Variants in SAV1 observed in about 807,000 individuals in gnomAD.
The protein encoded by SAV1 is salvador family WW domain containing protein 1.
In SAV1, 23 loss-of-function variants were observed where a neutral mutation model predicts 47.3. That is an observed-to-expected ratio of 0.49 (90% CI 0.35 to 0.69). The LOEUF (loss-of-function observed/expected upper bound fraction) is 0.69. Among genes scored for constraint, SAV1 ranks in the 30% least tolerant of loss-of-function variants. The pLI is 0.01. For missense variants in SAV1, 448 were observed against 457.4 expected, an observed-to-expected ratio of 0.98 and a Z score of 0.19; for synonymous variants, 155 against 159.2, an observed-to-expected ratio of 0.97 and a Z score of 0.20.
chr14:50,659,500 G>A (rs2039840989), intron 2 of SAV1, among the ~76,000 whole-genome samples: 1 of 152,302 alleles, frequency 6.6e-6, no homozygotes, highest in Admixed American at 6.5e-5. Context: ...TTGTCTTCCT[G>A]TGGCAGCCCC....
In SAV1 at chr14:50,640,796, C is replaced by A. The variant is rs1566740545; in HGVS notation, c.904G>T (p.Ala302Ser). 2 of 1,613,732 alleles carry A rather than the reference C, an allele frequency of 1.2e-6. No individual in the cohort carries two copies. The highest frequency in any genetic ancestry group is 1.7e-6 in the Non-Finnish European group (2 of 1,179,834). Residue 302 changes from alanine (A) to serine (S), a missense_variant, in exon 4 of 5, where the codon GCA becomes TCA. Physicochemically the swap from Ala to Ser is moderately conservative, Grantham distance 99. Transcript: ENST00000324679. ...ACCTGAAGCCAGTCAGGAATTTCTG[C>A]AGTATGATATGGATTTGCAGGTACC... ...LLVPANPYHT[A>S]EIPDWLQVYA...
intron 2 of SAV1, among the ~76,000 whole-genome samples, chr14:50,655,191 T>A (rs1359427011): frequency 6.6e-6 from 1 of 152,212 alleles, no homozygotes; most frequent in Non-Finnish European, 1.5e-5. Context: ...ATGACTTTAA[T>A]ATCACATCGT....
intron 1 of SAV1, among the ~76,000 whole-genome samples, chr14:50,667,225 AG>A (rs11359113): frequency 0.22 from 33,587 of 149,706 alleles, 4,089 homozygotes; most frequent in African/African-American, 0.32. Flanking sequence ...AAACTTTTCG[AG>A]GGGGGGGTTC....
chr14:50,654,207 C>G (rs1390304711), intron 2 of SAV1, among the ~76,000 whole-genome samples: 1 of 152,192 alleles, frequency 6.6e-6, no homozygotes, highest in Non-Finnish European at 1.5e-5. Flanking sequence ...CAGCATTTTA[C>G]CCACAGTAGC....
chr14:50,649,100 G>C (rs1231047872), intron 2 of SAV1, among the ~76,000 whole-genome samples: 3 of 152,024 alleles, frequency 2.0e-5, no homozygotes, highest in African/African-American at 7.2e-5. Context: ...AACACGGCAG[G>C]TACTGGCTGT....
intron 2 of SAV1, among the ~76,000 whole-genome samples, chr14:50,664,100 C>T (rs1347966427): frequency 1.3e-5 from 2 of 152,136 alleles, no homozygotes; most frequent in East Asian, 1.9e-4. Context: ...CTTCTGATTC[C>T]CTGTTGCACT....
chr14:50,640,336 T>A (rs1306726438), intron 4 of SAV1, among the ~76,000 whole-genome samples: 3 of 152,068 alleles, frequency 2.0e-5, no homozygotes, highest in African/African-American at 7.2e-5. Context: ...CCTAGACTGG[T>A]CTCGAACTCC....
intron 2 of SAV1, among the ~76,000 whole-genome samples, chr14:50,645,542 C>CAT (rs558179547): frequency 2.0e-5 from 3 of 151,844 alleles, no homozygotes; most frequent in Middle Eastern, 3.4e-3. Flanking sequence ...CCCAAGATAT[C>CAT]TTATTATGTA....
chr14:50,655,774 G>A (rs901492930), intron 2 of SAV1, among the ~76,000 whole-genome samples: 6 of 152,130 alleles, frequency 3.9e-5, no homozygotes, highest in African/African-American at 1.4e-4. Context: ...AGGGCCAGGT[G>A]TGGTGGCTCA....
Position 50,644,993 on chromosome 14 carries a change from G to A in SAV1, c.557C>T (p.Thr186Ile). 6.2e-7 allele frequency: 1 copy of A among 1,611,368 alleles called. No homozygotes were observed. Among genetic ancestry groups the A allele is most frequent in the Non-Finnish European group, 8.5e-7 (1 of 1,179,872 alleles). Residue 186 changes from threonine to isoleucine, a missense_variant, in exon 3 of 5, where the codon ACA becomes ATA. Physicochemically the swap from Thr to Ile is moderately conservative, Grantham distance 89 (BLOSUM62 -1). Transcript: ENST00000324679. Reference protein sequence around the residue: ...HASGIGRVAATSLGNLTNHGS... With the variant: ...HASGIGRVAAISLGNLTNHGS... ...ATGGTTAGTCAAATTTCCTAAAGAT[G>A]TAGCAGCAACTCTCCCAATACCTAC... is the stretch of plus-strand genomic sequence containing the variant.
Position 50,642,896 on chromosome 14 carries a change from G to A in SAV1, c.806+1848C>T, listed in dbSNP as rs139543160. Among the ~76,000 whole-genome samples the A allele has an allele frequency of 8.7e-4, 133 of 152,298 alleles. 1 individual carries two copies. The highest frequency in any genetic ancestry group is 2.2e-3 in the African/African-American group (91 of 41,558). Reference sequence around the variant, plus strand: ...GAATTGGGACTTTGAAGTCAGGTACGCCTGGATTTGAACCACAGCTTTAAC... The same window carrying A: ...GAATTGGGACTTTGAAGTCAGGTACACCTGGATTTGAACCACAGCTTTAAC... On this transcript the variant is annotated intron_variant, in intron 3 of 4. Transcript: ENST00000324679.
chr14:50,649,703 T>G (rs2039751627), intron 2 of SAV1, among the ~76,000 whole-genome samples: 2 of 152,234 alleles, frequency 1.3e-5, no homozygotes, highest in Admixed American at 1.3e-4. Flanking sequence ...TCCTCATTAT[T>G]TGTAACAGTT....
chr14:50,650,984 T>C (rs1783784825), intron 2 of SAV1, among the ~76,000 whole-genome samples: 1 of 150,930 alleles, frequency 6.6e-6, no homozygotes, highest in African/African-American at 2.4e-5. Context: ...AGCGCGCCAC[T>C]GCACTCAAGC....
intron 2 of SAV1, among the ~76,000 whole-genome samples, chr14:50,647,182 CAA>C (rs1347618320): frequency 6.6e-6 from 1 of 151,488 alleles, no homozygotes; most frequent in African/African-American, 2.4e-5. Context: ...TTAGTTTAGA[CAA>C]AGAGTACTTT....
intron 2 of SAV1, among the ~76,000 whole-genome samples, chr14:50,645,912 A>C (rs2039717781): frequency 6.6e-6 from 1 of 152,218 alleles, no homozygotes; most frequent in Non-Finnish European, 1.5e-5. Flanking sequence ...GAGATAATAT[A>C]ATTTATAATA....
intron 1 of SAV1, 46 bp from the exon 2 acceptor site, chr14:50,665,665 CAA>C (rs745974698): frequency 6.7e-7 from 1 of 1,484,976 alleles, no homozygotes; most frequent in South Asian, 1.4e-5. Flanking sequence ...CATTAAGTAA[CAA>C]AAGTTTTCGA....
intron 2 of SAV1, among the ~76,000 whole-genome samples, chr14:50,649,563 G>A (rs2039750292): frequency 1.3e-5 from 2 of 152,154 alleles, no homozygotes; most frequent in South Asian, 2.1e-4. Context: ...GTTCTGAAAC[G>A]AAGGTGTTTT....
intron 2 of SAV1, among the ~76,000 whole-genome samples, chr14:50,649,143 T>C (rs552989597): frequency 6.6e-6 from 1 of 152,216 alleles, no homozygotes; most frequent in South Asian, 2.1e-4. Flanking sequence ...CCTTCAGATA[T>C]TCTCTTGGCT....
chr14:50,646,981 G>T (rs1240805216), intron 2 of SAV1, among the ~76,000 whole-genome samples: 1 of 152,102 alleles, frequency 6.6e-6, no homozygotes, highest in African/African-American at 2.4e-5. Flanking sequence ...TTTTATAAAG[G>T]TGAAAGGGCA....
Sources: allele counts gnomAD v4.1 joint callset (sites outside exome capture counted in the v4.1 genomes callset), GRCh38; gene constraint gnomAD v4.1.1; transcripts MANE v1.5; gene names NCBI Gene and HGNC (gene_info 2026-07-23, HGNC 2026-07-21).